RNF121: variants seen among roughly 807,000 people sequenced by gnomAD.
RNF121 encodes ring finger protein 121.
RNF121 carries 21 observed loss-of-function variants against 46.5 expected under a neutral mutation model. The ratio of observed to expected loss-of-function variants is 0.45; its 90% CI spans 0.32 to 0.65. The LOEUF (loss-of-function observed/expected upper bound fraction) is 0.65. Ranked by LOEUF, RNF121 falls within the 30% of genes least tolerant of loss-of-function variation. The pLI, the probability that RNF121 is intolerant of heterozygous loss-of-function variation, is 0.04. For missense variants in RNF121, 346 were observed against 416.0 expected, an observed-to-expected ratio of 0.83 and a Z score of 1.46; for synonymous variants, 139 against 144.7, an observed-to-expected ratio of 0.96 and a Z score of 0.28.
intron 1 of RNF121, among the ~76,000 whole-genome samples, chr11:71,953,186 A>G (rs1786596161): frequency 6.6e-6 from 1 of 152,162 alleles, no homozygotes; most frequent in African/African-American, 2.4e-5. Flanking sequence ...GGCACATGCC[A>G]CCACGCCTGG....
chr11:71,953,705 A>G (rs1190479261), intron 1 of RNF121, among the ~76,000 whole-genome samples: 3 of 152,214 alleles, frequency 2.0e-5, no homozygotes, highest in Non-Finnish European at 2.9e-5. Flanking sequence ...GGATTTGGCC[A>G]GAGTTTTGCA....
chr11:71,991,697 G>A (rs1289703892), intron 6 of RNF121, among the ~76,000 whole-genome samples: 1 of 152,124 alleles, frequency 6.6e-6, no homozygotes, highest in Non-Finnish European at 1.5e-5. Flanking sequence ...TCCTGTCACG[G>A]GAGAAAGTGT....
At chr11:71,984,404 C>T (rs545896949) in intron 4 of RNF121, among the ~76,000 whole-genome samples, 1 of 151,896 alleles carries the variant, frequency 6.6e-6, no homozygotes, top group South Asian at 2.1e-4. Flanking sequence ...CTCAGCCTCC[C>T]AAGTAGCTGG....
intron 3 of RNF121, among the ~76,000 whole-genome samples, chr11:71,975,422 GA>G (rs969081005): frequency 1.3e-5 from 2 of 152,128 alleles, no homozygotes; most frequent in African/African-American, 4.8e-5. Context: ...CACCCATCAT[GA>G]TGCCTTTTTC....
chr11:71,978,021 A>G, intron 3 of RNF121: 2 of 288,346 alleles, frequency 6.9e-6, no homozygotes, highest in Non-Finnish European at 1.4e-5. Context: ...ATATTTACCA[A>G]GCAAAATGCC....
chr11:71,954,797 TC>T (rs1953954943), intron 1 of RNF121, among the ~76,000 whole-genome samples: 1 of 152,204 alleles, frequency 6.6e-6, no homozygotes, highest in Non-Finnish European at 1.5e-5. Flanking sequence ...TTCCCTGGTG[TC>T]AAATGAATAC....
At chr11:71,959,051 T>G (rs1410957069) in intron 2 of RNF121, among the ~76,000 whole-genome samples, 1 of 152,220 alleles carries the variant, frequency 6.6e-6, no homozygotes, top group Non-Finnish European at 1.5e-5. Context: ...AGAAAAAATA[T>G]GGACTCCTTT....
At chr11:71,939,903 A>G (rs956913625) in intron 1 of RNF121, among the ~76,000 whole-genome samples, 20 of 152,346 alleles carry the variant, frequency 1.3e-4, no homozygotes, top group African/African-American at 4.3e-4. Flanking sequence ...GGAACCCATC[A>G]AGTGATAATG....
intron 4 of RNF121, among the ~76,000 whole-genome samples, chr11:71,984,745 A>ATTTTTTTTTTTTTTTTT (rs56134788): frequency 1.6e-4 from 15 of 94,864 alleles, no homozygotes; most frequent in African/African-American, 4.8e-4. Flanking sequence ...CACCCGGCTA[A>ATTTTTTTTTTTTTTTTT]TTTTTTTTTT....
intron 2 of RNF121, among the ~76,000 whole-genome samples, chr11:71,959,828 G>A (rs1954086791): frequency 6.6e-6 from 1 of 151,952 alleles, no homozygotes; most frequent in South Asian, 2.1e-4. Context: ...TAGAGACGGG[G>A]TTTCGCCATG....
intron 3 of RNF121, among the ~76,000 whole-genome samples, chr11:71,961,283 G>A (rs189291826): frequency 3.3e-5 from 5 of 152,260 alleles, no homozygotes; most frequent in East Asian, 1.9e-4. Flanking sequence ...AAGAAGGATC[G>A]GGTGTGGTGG....
chr11:71,942,783 T>TAG (rs200563413), intron 1 of RNF121, among the ~76,000 whole-genome samples: 1,436 of 17,240 alleles, frequency 0.083, 9 homozygotes, highest in Non-Finnish European at 0.15. Flanking sequence ...TATATATATA[T>TAG]ATATATAGAT....
At chr11:71,940,057 C>T (rs1953529058) in intron 1 of RNF121, among the ~76,000 whole-genome samples, 2 of 152,158 alleles carry the variant, frequency 1.3e-5, no homozygotes, top group South Asian at 4.1e-4. Flanking sequence ...AAAAGTTTAT[C>T]ATGTGGATAG....
chr11:71,962,673 C>T (rs1440194197), intron 3 of RNF121, among the ~76,000 whole-genome samples: 3 of 152,184 alleles, frequency 2.0e-5, no homozygotes, highest in Non-Finnish European at 4.4e-5. Context: ...CACTGAGAAA[C>T]TTAAACTCAT....
chr11:71,956,488 G>A (rs2134171642), intron 1 of RNF121, among the ~76,000 whole-genome samples: 1 of 152,338 alleles, frequency 6.6e-6, no homozygotes, highest in East Asian at 1.9e-4. Context: ...TGCCAAGGTT[G>A]AAAACAAGCT....
intron 1 of RNF121, among the ~76,000 whole-genome samples, chr11:71,931,183 T>C (rs1953270080): frequency 6.6e-6 from 1 of 152,344 alleles, no homozygotes; most frequent in Non-Finnish European, 1.5e-5. Flanking sequence ...GTTTCTTAGC[T>C]TTTCTTTATT....
chr11:71,984,634 C>T (rs2134208890), intron 4 of RNF121, among the ~76,000 whole-genome samples: 2 of 152,056 alleles, frequency 1.3e-5, no homozygotes, highest in Middle Eastern at 6.8e-3. Context: ...ACTCTGTCAC[C>T]CAGGCTGGAG....
intron 3 of RNF121, among the ~76,000 whole-genome samples, chr11:71,976,835 G>A (rs1954536263): frequency 6.6e-6 from 1 of 152,060 alleles, no homozygotes; most frequent in African/African-American, 2.4e-5. Flanking sequence ...TTCATTTTGT[G>A]GTTTTGATTC....
chr11:71,968,225 A>C (rs192039571), intron 3 of RNF121, among the ~76,000 whole-genome samples: 16 of 151,992 alleles, frequency 1.1e-4, no homozygotes, highest in African/African-American at 3.9e-4. Flanking sequence ...ATGCCTAGCT[A>C]ACTCTTTGTA....
Sources: allele counts gnomAD v4.1 joint callset (sites outside exome capture counted in the v4.1 genomes callset), GRCh38; gene constraint gnomAD v4.1.1; transcripts MANE v1.5; gene names NCBI Gene and HGNC (gene_info 2026-07-23, HGNC 2026-07-21).